RNF4: variants seen among roughly 807,000 people sequenced by gnomAD.
RNF4 encodes E3 ubiquitin-protein ligase RNF4.
In RNF4, 7 loss-of-function variants were observed where a neutral mutation model predicts 24.3. That is an observed-to-expected ratio of 0.29 (90% CI 0.16 to 0.54). RNF4 has a LOEUF of 0.54. Among genes scored for constraint, RNF4 ranks in the 20% least tolerant of loss-of-function variants. The pLI, the probability that RNF4 is intolerant of heterozygous loss-of-function variation, is 0.95. For missense variants in RNF4, 209 were observed against 248.5 expected, an observed-to-expected ratio of 0.84 and a Z score of 1.07; for synonymous variants, 83 against 84.3, an observed-to-expected ratio of 0.98 and a Z score of 0.09.
intron 1 of RNF4, among the ~76,000 whole-genome samples, chr4:2,477,359 G>C (rs1225777615): frequency 6.6e-6 from 1 of 152,094 alleles, no homozygotes; most frequent in East Asian, 1.9e-4. Flanking sequence ...GGCCAAGGCG[G>C]GCGGATCACG....
At position 2,512,636 on chromosome 4, in the gene RNF4, G is replaced by A. The variant is rs1736301324; in HGVS notation, c.374+39G>A. The stretch of plus-strand genomic sequence containing the variant: ...CCCAGCTCTGCTGCCGCCATGCTAG[G>A]ATGTGGGGCCAGGGCATGGGAATAC... On this transcript the variant is annotated intron_variant, in intron 6 of 7. Transcript: ENST00000314289. The surrounding 1 kb of genome is among the most constrained non-coding windows in gnomAD (Gnocchi z 4.1). 2 of 1,608,572 alleles carry A rather than the reference G, an allele frequency of 1.2e-6. No individual in the cohort carries two copies. The highest frequency in any genetic ancestry group is 3.3e-4 in the Middle Eastern group (2 of 6,030).
chr4:2,469,945 C>T (rs1347687666), intron 1 of RNF4: 1 of 152,310 alleles, frequency 6.6e-6, no homozygotes, highest in East Asian at 1.9e-4. Context: ...TATGAAGATT[C>T]TCACGACCCG....
At chr4:2,483,353 A>T (rs1262192007) in intron 1 of RNF4, among the ~76,000 whole-genome samples, 1 of 152,230 alleles carries the variant, frequency 6.6e-6, no homozygotes, top group Non-Finnish European at 1.5e-5. Flanking sequence ...ACAGAAGGCA[A>T]GTATTTGTCC....
intron 4 of RNF4, among the ~76,000 whole-genome samples, chr4:2,503,966 C>T (rs1177059109): frequency 6.6e-6 from 1 of 152,098 alleles, no homozygotes; most frequent in African/African-American, 2.4e-5. Context: ...CCTGTGGTCC[C>T]AGCTACTGGG....
intron 2 of RNF4, 49 bp downstream of exon 2, chr4:2,490,551 T>TTGTAGC (rs1424524119): frequency 1.3e-5 from 21 of 1,573,522 alleles, no homozygotes; most frequent in Non-Finnish European, 1.8e-5. Flanking sequence ...GCTAATTAAC[T>TTGTAGC]ACCTTATTCC....
intron 1 of RNF4, among the ~76,000 whole-genome samples, chr4:2,482,237 G>A (rs1310079373): frequency 1.3e-5 from 2 of 152,170 alleles, no homozygotes; most frequent in Non-Finnish European, 2.9e-5. Context: ...ATCTGGTATG[G>A]GTCAAATAAT....
At chr4:2,485,693 C>CT (rs1413374447) in intron 1 of RNF4, among the ~76,000 whole-genome samples, 1 of 152,292 alleles carries the variant, frequency 6.6e-6, no homozygotes, top group East Asian at 1.9e-4. Flanking sequence ...CCCAGCTCCT[C>CT]TTTTCTCAGT....
chr4:2,477,786 T>C (rs1735126105), intron 1 of RNF4, among the ~76,000 whole-genome samples: 1 of 152,186 alleles, frequency 6.6e-6, no homozygotes, highest in Non-Finnish European at 1.5e-5. Context: ...ATGTCTTTAT[T>C]AGCATCGTGA....
rs181224097 is a variant in RNF4 at position 2,474,277 on chromosome 4, C to T, written c.-158+5019C>T. ...CCTGTAATCGCAGCTACTCAGGAGG[C>T]TGAGGCAGGAGAATCGCTTGAACCC... On this transcript the variant is annotated intron_variant, in intron 1 of 7. Transcript: ENST00000314289. Among the ~76,000 whole-genome samples the T allele has an allele frequency of 1.7e-3, 257 of 151,492 alleles. 1 individual carries two copies. The highest frequency in any genetic ancestry group is 5.9e-3 in the African/African-American group (243 of 41,254).
chr4:2,496,331 A>C (rs908755703), intron 2 of RNF4, among the ~76,000 whole-genome samples: 1 of 152,252 alleles, frequency 6.6e-6, no homozygotes, highest in East Asian at 1.9e-4. Flanking sequence ...CACAAAGTCA[A>C]GGAAGAGAAA....
chr4:2,512,315 G>A lies in RNF4; in HGVS notation c.215-123G>A, dbSNP rs1359603732. ...TTCTGGGTTATAGCTGAGCATGGCAGCAGTTTGTCTCTGGGGGTCCCAGGC... is the reference window on the plus strand; with the variant it reads ...TTCTGGGTTATAGCTGAGCATGGCAACAGTTTGTCTCTGGGGGTCCCAGGC... On this transcript the variant is annotated intron_variant, in intron 5 of 7. Coordinates refer to ENST00000314289, the MANE Select transcript of RNF4 (RefSeq NM_002938.5). This position sits in a 1 kb window ranked among gnomAD's most constrained non-coding sequence, Gnocchi z 4.1. 3.5e-6 allele frequency: 4 copies of A among 1,139,924 alleles called. No individual in the cohort carries two copies. The highest frequency in any genetic ancestry group is 2.7e-5 in the South Asian group (2 of 74,798). 70.6% of individuals were successfully genotyped at this position (1,139,924 alleles called of 1,614,324 possible).
At chr4:2,484,842 C>G (rs905644543) in intron 1 of RNF4, among the ~76,000 whole-genome samples, 1 of 152,172 alleles carries the variant, frequency 6.6e-6, no homozygotes, top group Non-Finnish European at 1.5e-5. Flanking sequence ...TGAGTCTCCT[C>G]CTTGGTCTAC....
At chr4:2,494,394 G>C (rs865989041) in intron 2 of RNF4, among the ~76,000 whole-genome samples, 1 of 39,652 alleles carries the variant, frequency 2.5e-5, no homozygotes, top group African/African-American at 9.3e-5. Flanking sequence ...TTTTTTTTTT[G>C]GAGACAGAGT....
intron 1 of RNF4, among the ~76,000 whole-genome samples, chr4:2,472,626 CA>C (rs1422837231): frequency 3.3e-5 from 5 of 149,888 alleles, no homozygotes; most frequent in South Asian, 2.1e-4. Context: ...AAAAGGGCGG[CA>C]GGGGGAAAGA....
In RNF4 at chr4:2,512,085, G is replaced by A. The variant is rs1736283935; in HGVS notation, c.214+120G>A. On this transcript the variant is annotated intron_variant, in intron 5 of 7. Coordinates refer to ENST00000314289, the MANE Select transcript of RNF4 (RefSeq NM_002938.5). The surrounding 1 kb of genome is among the most constrained non-coding windows in gnomAD (Gnocchi z 4.1). Reference sequence around the variant, plus strand: ...GGGCTTGGAGCGCTCCAAGCAGGAAGATGCCTTCGCAGATGCTGTGGTCAG... The same window carrying A: ...GGGCTTGGAGCGCTCCAAGCAGGAAAATGCCTTCGCAGATGCTGTGGTCAG... 1 of 912,034 alleles carries A rather than the reference G, an allele frequency of 1.1e-6. No homozygotes were observed. The highest frequency in any genetic ancestry group is 1.7e-6 in the Non-Finnish European group (1 of 589,284). 56.5% of individuals were successfully genotyped at this position (912,034 alleles called of 1,614,324 possible). A position where few individuals can be genotyped will look rare whatever the true frequency, so the allele number is the denominator to read the frequency against.
At position 2,512,721 on chromosome 4, in the gene RNF4, A is replaced by G. The variant is rs1015274032; in HGVS notation, c.374+124A>G. ...GGGCTTGCCCAAGCCTCTACCCAGCATCTGGATACAGTTGGAACTGGGTCC... is the reference window on the plus strand; with the variant it reads ...GGGCTTGCCCAAGCCTCTACCCAGCGTCTGGATACAGTTGGAACTGGGTCC... On this transcript the variant is annotated intron_variant, in intron 6 of 7. Transcript: ENST00000314289. The surrounding 1 kb of genome is among the most constrained non-coding windows in gnomAD (Gnocchi z 4.1). The G allele has an allele frequency of 2.7e-6, 3 of 1,121,046 alleles. No individual in the cohort carries two copies. The highest frequency in any genetic ancestry group is 4.4e-4 in the Middle Eastern group (2 of 4,568). 69.4% of individuals were successfully genotyped at this position (1,121,046 alleles called of 1,614,324 possible).
chr4:2,477,103 A>T (rs565673131), intron 1 of RNF4, among the ~76,000 whole-genome samples: 1 of 152,238 alleles, frequency 6.6e-6, no homozygotes, highest in Non-Finnish European at 1.5e-5. Flanking sequence ...ACTTTAAGCT[A>T]AATTAATCCT....
chr4:2,502,536 T>A (rs552728232), intron 4 of RNF4, among the ~76,000 whole-genome samples: 112 of 151,812 alleles, frequency 7.4e-4, no homozygotes, highest in African/African-American at 2.6e-3. Context: ...ATACAAAAAT[T>A]ATGCGGACGC....
chr4:2,506,735 T>C (rs1736113249), intron 4 of RNF4, among the ~76,000 whole-genome samples: 1 of 152,010 alleles, frequency 6.6e-6, no homozygotes, highest in Admixed American at 6.6e-5. Context: ...CCCTGGCTGA[T>C]TTTTTATATT....
Sources: allele counts gnomAD v4.1 joint callset (sites outside exome capture counted in the v4.1 genomes callset), GRCh38; gene constraint gnomAD v4.1.1; non-coding constraint Gnocchi (gnomAD v3.1); transcripts MANE v1.5; gene names NCBI Gene and HGNC (gene_info 2026-07-23, HGNC 2026-07-21).